Variants in COL4A2 observed in about 807,000 individuals in gnomAD.
COL4A2 encodes collagen alpha-2(IV) chain.
COL4A2 carries 99 observed loss-of-function variants against 200.2 expected under a neutral mutation model. That is an observed-to-expected ratio of 0.49 (90% CI 0.42 to 0.58). The LOEUF is 0.58. Ranked by LOEUF, COL4A2 falls within the 20% of genes least tolerant of loss-of-function variation. COL4A2 has a pLI of 0.00. For synonymous variants in COL4A2, 897 were observed against 900.6 expected, an observed-to-expected ratio of 1.00 and a Z score of 0.07; for missense variants, 1,950 against 2,314.1, an observed-to-expected ratio of 0.84 and a Z score of 3.23.
chr13:110,367,407 T>G (rs900823430), intron 4 of COL4A2, among the ~76,000 whole-genome samples: 1 of 152,242 alleles, frequency 6.6e-6, no homozygotes, highest in African/African-American at 2.4e-5. Flanking sequence ...AAAGTCTGTT[T>G]TGAATAAAGA....
intron 3 of COL4A2, among the ~76,000 whole-genome samples, chr13:110,333,598 T>C (rs901637585): frequency 6.6e-6 from 1 of 152,128 alleles, no homozygotes; most frequent in African/African-American, 2.4e-5. Context: ...GATTGAGGTG[T>C]CCCCTGGCTA....
chr13:110,485,897 G>A, intron 34 of COL4A2, 61 bp downstream of exon 34: 1 of 1,595,024 alleles, frequency 6.3e-7, no homozygotes, highest in Non-Finnish European at 8.5e-7. Context: ...GCTTGTGAAT[G>A]GACATGCTTT....
intron 3 of COL4A2, among the ~76,000 whole-genome samples, chr13:110,330,845 C>T (rs1317981139): frequency 3.9e-5 from 6 of 152,022 alleles, no homozygotes; most frequent in Non-Finnish European, 8.8e-5. Flanking sequence ...GCAGAGTTGC[C>T]TGTTTTGACC....
Position 110,485,022 on chromosome 13 carries a change from C to G in COL4A2, c.3020C>G (p.Ala1007Gly), listed in dbSNP as rs1883064275. 4 of 1,597,322 alleles carry G rather than the reference C, an allele frequency of 2.5e-6. No individual in the cohort carries two copies. The East Asian group carries it at 9.0e-5, about 36-fold the overall frequency. Residue 1007 changes from alanine (A) to glycine (G), a missense_variant, in exon 33 of 48, where the codon GCA (alanine) becomes GGA (glycine). Transcript: ENST00000360467. ...ATGGGGCTGAAAGGATACCTGGGCG[C>G]AAAAGGTGAGGCTTCTGACCTGCAG... Reference protein sequence around the residue: ...GPMGLKGYLGAKGIQGMPGIP... With the variant: ...GPMGLKGYLGGKGIQGMPGIP...
intron 3 of COL4A2, among the ~76,000 whole-genome samples, chr13:110,349,529 T>A (rs1028945810): frequency 2.8e-4 from 43 of 152,232 alleles, no homozygotes; most frequent in African/African-American, 9.9e-4. Flanking sequence ...ATCCCATTGA[T>A]AAATGACAGA....
At chr13:110,343,449 T>C (rs527820813) in intron 3 of COL4A2, among the ~76,000 whole-genome samples, 2 of 152,060 alleles carry the variant, frequency 1.3e-5, no homozygotes, top group Non-Finnish European at 2.9e-5. Context: ...AAGGCATAGG[T>C]ACACGCCGTC....
At chr13:110,360,133 G>A (rs745916478) in intron 4 of COL4A2, among the ~76,000 whole-genome samples, 2 of 152,152 alleles carry the variant, frequency 1.3e-5, no homozygotes, top group Non-Finnish European at 1.5e-5. Flanking sequence ...TCTCCACCCC[G>A]CAGCCCTTGA....
chr13:110,356,670 C>T (rs1045249064), intron 3 of COL4A2, among the ~76,000 whole-genome samples: 2 of 152,222 alleles, frequency 1.3e-5, no homozygotes, highest in African/African-American at 2.4e-5. Context: ...CAGGCCTGCT[C>T]CTTCCTGATT....
At chr13:110,402,467 G>T (rs1879404607) in intron 4 of COL4A2, among the ~76,000 whole-genome samples, 1 of 152,172 alleles carries the variant, frequency 6.6e-6, no homozygotes, top group Non-Finnish European at 1.5e-5. Flanking sequence ...CTGGGGTGGG[G>T]ATTGGTTCCT....
chr13:110,339,774 A>G (rs1456320300), intron 3 of COL4A2, among the ~76,000 whole-genome samples: 2 of 152,310 alleles, frequency 1.3e-5, no homozygotes, highest in East Asian at 1.9e-4. Flanking sequence ...AAAATCAAAG[A>G]AGGAGTCAAA....
intron 15 of COL4A2, among the ~76,000 whole-genome samples, chr13:110,439,473 C>G (rs893718384): frequency 2.0e-5 from 3 of 152,172 alleles, no homozygotes; most frequent in Non-Finnish European, 4.4e-5. Context: ...AAATGAGAGT[C>G]TTGGGGTGGC....
chr13:110,429,005 T>TTATATATCTGTTTTA (rs1880576873), intron 7 of COL4A2: 1 of 157,670 alleles, frequency 6.3e-6, no homozygotes, highest in African/African-American at 2.4e-5. Context: ...GGAGGAACTT[T>TTATATATCTGTTTTA]TATATAATCA....
At chr13:110,473,340 G>C (rs957884584) in intron 29 of COL4A2, 190 bp downstream of exon 29, 1 of 549,668 alleles carries the variant, frequency 1.8e-6, no homozygotes, top group Admixed American at 3.7e-5. Flanking sequence ...GACTACCCAC[G>C]GTAGCCAGTG....
intron 4 of COL4A2, among the ~76,000 whole-genome samples, chr13:110,357,924 G>T (rs1877355120): frequency 6.6e-6 from 1 of 152,232 alleles, no homozygotes; most frequent in Admixed American, 6.5e-5. Context: ...GGAGTGCGGG[G>T]TGCGTGGATG....
intron 3 of COL4A2, among the ~76,000 whole-genome samples, chr13:110,312,067 C>A (rs1884999933): frequency 6.6e-6 from 1 of 152,244 alleles, no homozygotes; most frequent in Admixed American, 6.5e-5. Flanking sequence ...AAGGACAATT[C>A]TTTCCTGCAT....
intron 4 of COL4A2, among the ~76,000 whole-genome samples, chr13:110,390,715 T>A (rs1258392978): frequency 6.6e-6 from 1 of 152,194 alleles, no homozygotes; most frequent in African/African-American, 2.4e-5. Context: ...CTCAGGATGT[T>A]TTCCCCAGAG....
chr13:110,488,873 A>G (rs781741204), intron 34 of COL4A2, among the ~76,000 whole-genome samples: 1 of 152,194 alleles, frequency 6.6e-6, no homozygotes, highest in Non-Finnish European at 1.5e-5. Context: ...GACCTGGGCC[A>G]CTGATGCTCT....
At chr13:110,321,296 TA>T (rs1266334641) in intron 3 of COL4A2, among the ~76,000 whole-genome samples, 2 of 151,958 alleles carry the variant, frequency 1.3e-5, no homozygotes, top group Non-Finnish European at 1.5e-5. Context: ...CCATTTTTAA[TA>T]TTTTTTTCAT....
chr13:110,322,309 A>G (rs570023592), intron 3 of COL4A2, among the ~76,000 whole-genome samples: 2 of 152,178 alleles, frequency 1.3e-5, no homozygotes, highest in African/African-American at 4.8e-5. Flanking sequence ...ACTCTCCCGA[A>G]GGAGGTTGGC....
Sources: gnomAD v4.1 joint callset for allele counts (sites outside exome capture counted in the v4.1 genomes callset) on GRCh38, gnomAD v4.1.1 for gene constraint, MANE v1.5 for transcripts, NCBI Gene and HGNC (gene_info 2026-07-23, HGNC 2026-07-21) for gene names.